RBFOX1: variants seen among roughly 807,000 people sequenced by gnomAD.
RBFOX1 encodes RNA binding fox-1 homolog 1.
A neutral mutation model predicts 57.7 loss-of-function variants in RBFOX1; 8 were observed. That is an observed-to-expected ratio of 0.14 (90% confidence interval 0.08 to 0.25). The LOEUF is 0.25. Among genes scored for constraint, RBFOX1 ranks in the 10% least tolerant of loss-of-function variants. RBFOX1 has a pLI of 1.00. For missense variants in RBFOX1, 611 were observed against 548.5 expected (o/e 1.11, Z -1.14); for synonymous variants, 326 against 222.4 (o/e 1.47, Z -4.15).
At chr16:6,347,047 G>A (rs1392756382) in intron 2 of RBFOX1, among the ~76,000 whole-genome samples, 3 of 152,168 alleles carry the variant, frequency 2.0e-5, no homozygotes, top group African/African-American at 2.4e-5. Context: ...GATGGACAGA[G>A]CAAGGCAAGG....
intron 1 of RBFOX1, among the ~76,000 whole-genome samples, chr16:5,267,831 C>T (rs1467213165): frequency 6.6e-6 from 1 of 152,128 alleles, no homozygotes; most frequent in Non-Finnish European, 1.5e-5. Flanking sequence ...CCTGTAATCC[C>T]AGCACTTTGG....
At chr16:6,941,071 G>C (rs951462587) in intron 3 of RBFOX1, among the ~76,000 whole-genome samples, 1 of 152,052 alleles carries the variant, frequency 6.6e-6, no homozygotes, top group Non-Finnish European at 1.5e-5. Flanking sequence ...TGTGGAGGGA[G>C]AAATGGAGGT....
chr16:6,625,640 C>T (rs11077057), intron 2 of RBFOX1, among the ~76,000 whole-genome samples: 3 of 150,750 alleles, frequency 2.0e-5, no homozygotes, highest in Admixed American at 6.6e-5. Context: ...CTATGTAGTT[C>T]CCCACCGCCC....
At chr16:5,741,216 G>C (rs1358301887) in intron 3 of RBFOX1, among the ~76,000 whole-genome samples, 1 of 152,112 alleles carries the variant, frequency 6.6e-6, no homozygotes, top group African/African-American at 2.4e-5. Context: ...TGTCCTTGGG[G>C]CTGCCACGTC....
At chr16:5,815,888 G>A (rs12919715) in intron 3 of RBFOX1, among the ~76,000 whole-genome samples, 58,161 of 152,006 alleles carry the variant, frequency 0.38, 12,184 homozygotes, top group East Asian at 0.6. Context: ...GGGGCTGGGG[G>A]CTGCGTTAGG....
chr16:5,762,308 A>G (rs754635329), intron 3 of RBFOX1, among the ~76,000 whole-genome samples: 1 of 151,866 alleles, frequency 6.6e-6, no homozygotes, highest in Non-Finnish European at 1.5e-5. Flanking sequence ...AAAGTGAAAT[A>G]AGACATAATT....
intron 4 of RBFOX1, among the ~76,000 whole-genome samples, chr16:7,086,078 G>A (rs1202098592): frequency 2.6e-5 from 4 of 152,106 alleles, no homozygotes; most frequent in African/African-American, 9.7e-5. Flanking sequence ...TTTATGGCAT[G>A]GCTTGGTGGT....
intron 4 of RBFOX1, among the ~76,000 whole-genome samples, chr16:7,435,606 A>C (rs1278249701): frequency 6.6e-6 from 1 of 152,224 alleles, no homozygotes; most frequent in East Asian, 1.9e-4. Context: ...AAGGACCATC[A>C]GGTGGAAAAT....
intron 2 of RBFOX1, among the ~76,000 whole-genome samples, chr16:6,518,846 TC>T (rs1475121147): frequency 9.5e-5 from 5 of 52,630 alleles, no homozygotes; most frequent in Non-Finnish European, 2.1e-4. Context: ...TATCTATCTA[TC>T]TGTCTTCCTG....
At chr16:6,081,650 T>A (rs2096003528) in intron 1 of RBFOX1, among the ~76,000 whole-genome samples, 1 of 152,232 alleles carries the variant, frequency 6.6e-6, no homozygotes. Context: ...CATGTGAGGT[T>A]GGCTGATTTT....
chr16:6,817,654 G>C (rs1442009978), intron 3 of RBFOX1, among the ~76,000 whole-genome samples: 3 of 151,480 alleles, frequency 2.0e-5, no homozygotes, highest in Non-Finnish European at 2.9e-5. Context: ...AGTGAGCTGA[G>C]ATTGCACCAC....
intron 2 of RBFOX1, among the ~76,000 whole-genome samples, chr16:6,587,299 T>G (rs1012072382): frequency 6.7e-6 from 1 of 150,162 alleles, no homozygotes; most frequent in Admixed American, 6.7e-5. Context: ...CCTTTTTTTT[T>G]GAGACAAAGT....
chr16:6,851,166 C>T (rs2094039213), intron 3 of RBFOX1, among the ~76,000 whole-genome samples: 1 of 152,320 alleles, frequency 6.6e-6, no homozygotes, highest in African/African-American at 2.4e-5. Flanking sequence ...TCTCAGCAAT[C>T]ATTTTTATGT....
At chr16:7,178,370 G>A (rs925895224) in intron 4 of RBFOX1, among the ~76,000 whole-genome samples, 2 of 152,130 alleles carry the variant, frequency 1.3e-5, no homozygotes, top group African/African-American at 4.8e-5. Context: ...TAACAATTTG[G>A]GCATAGCTAC....
intron 2 of RBFOX1, among the ~76,000 whole-genome samples, chr16:6,336,182 T>TATATATATATATATATA (rs58185113): frequency 4.2e-5 from 1 of 23,952 alleles, no homozygotes; most frequent in Non-Finnish European, 7.2e-5. Context: ...TATATATATA[T>TATATATATATATATATA]TTTTTTTTTT....
In RBFOX1 at chr16:7,710,843, C is replaced by G. The variant is rs200471349; in HGVS notation, c.*98C>G. 6 of 759,022 alleles carry G rather than the reference C, an allele frequency of 7.9e-6. No homozygotes were observed. The highest frequency in any genetic ancestry group is 8.4e-6 in the Non-Finnish European group (5 of 598,566). 47.0% of individuals were successfully genotyped at this position (759,022 alleles called of 1,614,324 possible). On this transcript the variant is annotated 3_prime_UTR_variant, in exon 16 of 16. Coordinates refer to ENST00000550418, the MANE Select transcript of RBFOX1 (RefSeq NM_018723.4). ...GCAGTAGTACATCATTTTAGCAACTCTAAAAAAAAAAAAAATACAAATAAA... is the reference window on the plus strand; with the variant it reads ...GCAGTAGTACATCATTTTAGCAACTGTAAAAAAAAAAAAAATACAAATAAA...
chr16:6,380,832 G>C (rs2091738752), intron 2 of RBFOX1, among the ~76,000 whole-genome samples: 1 of 152,116 alleles, frequency 6.6e-6, no homozygotes, highest in Non-Finnish European at 1.5e-5. Context: ...CTTCAGCAGT[G>C]CCCAAAGCGC....
intron 1 of RBFOX1, among the ~76,000 whole-genome samples, chr16:6,263,418 A>G (rs760293282): frequency 2.7e-4 from 41 of 152,166 alleles, no homozygotes; most frequent in Non-Finnish European, 4.0e-4. Context: ...AACACATTCA[A>G]TTGGTTGGGG....
chr16:6,971,995 A>G (rs2085660294), intron 3 of RBFOX1, among the ~76,000 whole-genome samples: 1 of 152,178 alleles, frequency 6.6e-6, no homozygotes, highest in Admixed American at 6.5e-5. Context: ...CCTGCACGCA[A>G]GTTTTACTGT....
Sources: gnomAD v4.1 joint callset for allele counts (sites outside exome capture counted in the v4.1 genomes callset) on GRCh38, gnomAD v4.1.1 for gene constraint, MANE v1.5 for transcripts, NCBI Gene and HGNC (gene_info 2026-07-23, HGNC 2026-07-21) for gene names.